The following COL5A2 variants were observed in gnomAD, a reference collection of about 807,000 sequenced individuals.
COL5A2 encodes collagen type V alpha 2 chain.
In COL5A2, 23 loss-of-function variants were observed where a neutral mutation model predicts 208.2. The observed-to-expected ratio is 0.11, with a 90% CI of 0.08 to 0.16. The LOEUF (loss-of-function observed/expected upper bound fraction) is 0.16, where lower values mean the gene tolerates loss of function less well. Ranked by LOEUF, COL5A2 falls within the 10% of genes least tolerant of loss-of-function variation. The pLI is 1.00. For missense variants in COL5A2, 1,590 were observed against 1,956.4 expected (o/e 0.81, Z 3.53); for synonymous variants, 625 against 628.5 (o/e 0.99, Z 0.08).
At chr2:189,240,788 G>T in the COL5A2 span, among the ~76,000 whole-genome samples, 1 of 152,092 alleles carries the variant, frequency 6.6e-6, no homozygotes, top group Non-Finnish European at 1.5e-5. Context: ...ATCTTCAGAG[G>T]AATAAATCTT....
At chr2:189,339,625 C>G in the COL5A2 span, among the ~76,000 whole-genome samples, 1 of 152,146 alleles carries the variant, frequency 6.6e-6, no homozygotes, top group African/African-American at 2.4e-5. Flanking sequence ...AATTCATCTC[C>G]TCAACCAACT....
At chr2:189,432,277 C>T in the COL5A2 span, among the ~76,000 whole-genome samples, 167 of 152,288 alleles carry the variant, frequency 1.1e-3, 2 homozygotes, top group African/African-American at 3.2e-3. Flanking sequence ...CATCAATTAA[C>T]GGGCAAAATA....
chr2:189,077,774 G>C (rs1251299980), intron 16 of COL5A2, among the ~76,000 whole-genome samples: 1 of 152,126 alleles, frequency 6.6e-6, no homozygotes, highest in Non-Finnish European at 1.5e-5. Flanking sequence ...TCTATGGGCT[G>C]GAGGTAATAG....
chr2:189,039,118 T>G (rs1404724760), intron 51 of COL5A2, among the ~76,000 whole-genome samples, 154 bp downstream of exon 51: 1 of 152,200 alleles, frequency 6.6e-6, no homozygotes, highest in East Asian at 1.9e-4. Flanking sequence ...AAATTGACTG[T>G]TTCCACCATT....
At chr2:189,236,767 C>A in the COL5A2 span, among the ~76,000 whole-genome samples, 4 of 151,726 alleles carry the variant, frequency 2.6e-5, no homozygotes, top group African/African-American at 9.7e-5. Context: ...ATATGTAAGA[C>A]CTTTATATAT....
rs1173354493 is a variant in COL5A2 at position 189,052,775 on chromosome 2, C to A, written c.2689G>T (p.Gly897Cys). 1.2e-6 allele frequency: 2 copies of A among 1,614,174 alleles called. No individual in the cohort carries two copies. Among genetic ancestry groups the A allele is most frequent in the South Asian group, 1.1e-5 (1 of 91,082 alleles). The change falls in exon 40 of 54, where the codon GGT becomes TGT. Residue 897 changes from glycine (G) to cysteine (C), a missense_variant. Physicochemically the swap from Gly to Cys is radical, Grantham distance 159 (BLOSUM62 -3). Transcript: ENST00000374866. The part of the protein sequence containing the change: ...HGPNGVPGLK[G>C]GRGTQGPPGA... The stretch of plus-strand genomic sequence containing the variant: ...GGCGGACCTTGGGTTCCTCGACCAC[C>A]TTTTAGTCCAGGAACACCATTAGGA...
chr2:189,089,003 G>A (rs1380462923), intron 7 of COL5A2, among the ~76,000 whole-genome samples: 3 of 152,186 alleles, frequency 2.0e-5, no homozygotes, highest in Non-Finnish European at 4.4e-5. Flanking sequence ...CTCCAGAGCA[G>A]TTTCTGAAAC....
At chr2:189,037,512 A>G (rs1275676072) in intron 51 of COL5A2, among the ~76,000 whole-genome samples, 1 of 152,202 alleles carries the variant, frequency 6.6e-6, no homozygotes, top group Admixed American at 6.5e-5. Flanking sequence ...CAATGATAAT[A>G]ATTTTAGCTA....
intron 1 of COL5A2, among the ~76,000 whole-genome samples, chr2:189,138,399 G>C (rs1167562798): frequency 6.6e-6 from 1 of 152,080 alleles, no homozygotes; most frequent in Non-Finnish European, 1.5e-5. Flanking sequence ...GAAATGCTCA[G>C]ATTTCTTCTC....
At chr2:189,049,272 C>A in intron 44 of COL5A2, 75 bp downstream of exon 44, 1 of 1,009,758 alleles carries the variant, frequency 9.9e-7, no homozygotes, top group Non-Finnish European at 1.5e-6. Context: ...AATTCTAAAT[C>A]AATTGCTAAA....
intron 23 of COL5A2, among the ~76,000 whole-genome samples, chr2:189,065,931 C>G (rs1440886570): frequency 6.6e-6 from 1 of 152,184 alleles, no homozygotes; most frequent in Non-Finnish European, 1.5e-5. Context: ...AGAGGATCCT[C>G]TTTCCTAACC....
At chr2:189,413,691 G>A in the COL5A2 span, among the ~76,000 whole-genome samples, 1 of 151,122 alleles carries the variant, frequency 6.6e-6, no homozygotes, top group Admixed American at 6.6e-5. Flanking sequence ...GGACTCAGAT[G>A]TCCAGGTAAA....
chr2:189,414,107 T>C, the COL5A2 span, among the ~76,000 whole-genome samples: 1 of 152,082 alleles, frequency 6.6e-6, no homozygotes, highest in African/African-American at 2.4e-5. Flanking sequence ...TGTCATATTT[T>C]ATTGGATGCT....
chr2:189,392,755 C>G, the COL5A2 span, among the ~76,000 whole-genome samples: 1 of 152,078 alleles, frequency 6.6e-6, no homozygotes, highest in South Asian at 2.1e-4. Context: ...CATCAAATGG[C>G]CCAAGGTGCA....
the COL5A2 span, among the ~76,000 whole-genome samples, chr2:189,234,808 G>A: frequency 5.3e-5 from 8 of 151,698 alleles, no homozygotes; most frequent in South Asian, 1.7e-3. Flanking sequence ...CCAGGTTTAA[G>A]GTAAGGAATT....
At position 189,186,282 on chromosome 2, in the gene COL5A2, C is replaced by T. The variant is rs138274814; in HGVS notation, c.-42+38866G>A. The stretch of plus-strand genomic sequence containing the variant: ...AAAGTGCTGGGATTACAGACATGAG[C>T]CACTTTATCAAGCCAACAAACCATA... On this transcript the variant is annotated intron_variant, in intron 1 of 10. Coordinates refer to the COL5A2 transcript ENST00000649966. Among the ~76,000 whole-genome samples the T allele has an allele frequency of 3.9e-4, 60 of 152,194 alleles. 1 individual carries two copies. Among genetic ancestry groups the T allele is most frequent in the African/African-American group, 1.4e-3 (59 of 41,510 alleles).
At chr2:189,051,159 A>G (rs1311755999) in intron 42 of COL5A2, among the ~76,000 whole-genome samples, 161 bp downstream of exon 42, 1 of 152,144 alleles carries the variant, frequency 6.6e-6, no homozygotes, top group East Asian at 1.9e-4. Flanking sequence ...ATCTATATAT[A>G]TACACGTTTT....
At chr2:189,264,067 A>T in the COL5A2 span, among the ~76,000 whole-genome samples, 1 of 152,164 alleles carries the variant, frequency 6.6e-6, no homozygotes, top group Non-Finnish European at 1.5e-5. Context: ...TCAATAACAA[A>T]TATGTTTTAA....
chr2:189,322,321 A>T, the COL5A2 span, among the ~76,000 whole-genome samples: 333 of 152,242 alleles, frequency 2.2e-3, no homozygotes, highest in Non-Finnish European at 3.8e-3. Flanking sequence ...AAGAAATAAC[A>T]AAGATCAGAG....
Sources: allele counts gnomAD v4.1 joint callset (sites outside exome capture counted in the v4.1 genomes callset), GRCh38; gene constraint gnomAD v4.1.1; transcripts MANE v1.5; gene names NCBI Gene and HGNC (gene_info 2026-07-23, HGNC 2026-07-21).